DYNC1I1: variants seen among roughly 807,000 people sequenced by gnomAD.
DYNC1I1 encodes cytoplasmic dynein 1 intermediate chain 1.
In DYNC1I1, 43 loss-of-function variants were observed where a neutral mutation model predicts 86.6. The observed-to-expected ratio is 0.50, with a 90% CI of 0.39 to 0.64. DYNC1I1 has a LOEUF of 0.64. DYNC1I1 is among the 30% of genes least tolerant of loss of function. The pLI is 0.00. For synonymous variants in DYNC1I1, 262 were observed against 283.7 expected, an observed-to-expected ratio of 0.92 and a Z score of 0.77; for missense variants, 604 against 788.8, an observed-to-expected ratio of 0.77 and a Z score of 2.81.
Position 96,039,340 on chromosome 7 carries a change from C to T in DYNC1I1, c.1428C>T (p.His476=), listed in dbSNP as rs1788966769. 2 of 1,614,018 alleles carry T rather than the reference C, an allele frequency of 1.2e-6. No individual in the cohort carries two copies. Among genetic ancestry groups the T allele is most frequent in the South Asian group, 1.1e-5 (1 of 91,082 alleles). Residue 476 remains histidine, a synonymous_variant, in exon 14 of 17, where the codon CAC becomes CAT. Coordinates refer to ENST00000447467, the MANE Select transcript of DYNC1I1 (RefSeq NM_001135556.2). The part of the protein sequence containing the change: ...HQGPVTGINC[H]MAVGPIDFSH... Reference sequence around the variant, plus strand: ...GGCCAGTGACAGGAATTAACTGCCACATGGCAGTGGGCCCAATCGACTTTT... The same window carrying T: ...GGCCAGTGACAGGAATTAACTGCCATATGGCAGTGGGCCCAATCGACTTTT...
chr7:95,818,602 T>C (rs1795004085), intron 4 of DYNC1I1: 1 of 593,842 alleles, frequency 1.7e-6, no homozygotes. Flanking sequence ...TGCCTCTCCC[T>C]CCCAAAGTGC....
At chr7:96,110,222 T>TA (rs1791292585), downstream of DYNC1I1, 1 of 263,498 alleles carries the variant, frequency 3.8e-6, no homozygotes, top group African/African-American at 2.3e-5. Context: ...GGTGCCTACA[T>TA]ATTGAGGATT....
At chr7:96,081,582 A>T (rs1383732382) in intron 16 of DYNC1I1, among the ~76,000 whole-genome samples, 1 of 152,216 alleles carries the variant, frequency 6.6e-6, no homozygotes, top group Non-Finnish European at 1.5e-5. Context: ...GCATAATATG[A>T]ATCTAACATT....
chr7:95,847,322 T>C (rs1162561622), intron 5 of DYNC1I1, among the ~76,000 whole-genome samples: 2 of 152,168 alleles, frequency 1.3e-5, no homozygotes, highest in Non-Finnish European at 2.9e-5. Flanking sequence ...CACAGATCTT[T>C]TCTCTGGCTG....
intron 7 of DYNC1I1, among the ~76,000 whole-genome samples, chr7:95,982,182 A>G (rs1793475069): frequency 6.6e-6 from 1 of 152,306 alleles, no homozygotes; most frequent in Admixed American, 6.5e-5. Flanking sequence ...TATTTAATTA[A>G]GTTGAATATT....
rs371444230 is a variant in DYNC1I1 at position 95,934,254 on chromosome 7, T to C, written c.491-43258T>C. ...TTAATAGATGGTTACTGAGTACTTC[T>C]GGAGTTCCTCTAGGGTATACCGGTA... On this transcript the variant is annotated intron_variant, in intron 6 of 16. Coordinates refer to ENST00000447467, the MANE Select transcript of DYNC1I1 (RefSeq NM_001135556.2). 1.1e-4 allele frequency among the ~76,000 whole-genome samples: 16 copies of C among 152,258 alleles called. 2 individuals are homozygous for C. In the South Asian group the frequency reaches 3.3e-3, roughly 32 times the overall value.
chr7:95,806,760 T>C lies in DYNC1I1; in HGVS notation c.108+1923T>C, dbSNP rs1014622158. On this transcript the variant is annotated intron_variant, in intron 2 of 16. Transcript: ENST00000447467. Reference sequence around the variant, plus strand: ...ATCATCTGTAGTGTCTCTCCTGGCTTGAAATCTTTTCCCTTCACACCCATC... The same window carrying C: ...ATCATCTGTAGTGTCTCTCCTGGCTCGAAATCTTTTCCCTTCACACCCATC... 3.9e-5 allele frequency among the ~76,000 whole-genome samples: 6 copies of C among 152,278 alleles called. No individual in the cohort carries two copies. The East Asian group carries it at 1.2e-3, about 29-fold the overall frequency.
chr7:96,069,177 T>C (rs1349354700), intron 14 of DYNC1I1, among the ~76,000 whole-genome samples: 1 of 152,202 alleles, frequency 6.6e-6, no homozygotes, highest in Admixed American at 6.5e-5. Flanking sequence ...CGTAGATATA[T>C]AGAATGCTTC....
At chr7:95,894,738 G>T (rs34976358) in intron 6 of DYNC1I1, among the ~76,000 whole-genome samples, 1 of 152,058 alleles carries the variant, frequency 6.6e-6, no homozygotes, top group African/African-American at 2.4e-5. Flanking sequence ...TCTGTGCTTC[G>T]GGATTCAATG....
intron 16 of DYNC1I1, chr7:96,109,888 T>C (rs1212562087): frequency 2.0e-5 from 4 of 203,116 alleles, no homozygotes; most frequent in African/African-American, 9.5e-5. Flanking sequence ...TCTAAAAATA[T>C]GAATTAGGTC....
At chr7:95,938,719 T>C (rs931696400) in intron 6 of DYNC1I1, among the ~76,000 whole-genome samples, 2 of 152,174 alleles carry the variant, frequency 1.3e-5, no homozygotes, top group East Asian at 1.9e-4. Context: ...GAAAGCTTTT[T>C]GTAAATTATT....
intron 12 of DYNC1I1, 89 bp from the exon 13 acceptor site, chr7:96,035,530 A>G (rs1794907923): frequency 1.4e-6 from 2 of 1,474,754 alleles, no homozygotes; most frequent in Non-Finnish European, 1.8e-6. Flanking sequence ...AAAAGCAAAC[A>G]CATGATTTAG....
At chr7:95,947,373 C>T (rs1406251300) in intron 6 of DYNC1I1, among the ~76,000 whole-genome samples, 1 of 152,076 alleles carries the variant, frequency 6.6e-6, no homozygotes, top group Non-Finnish European at 1.5e-5. Context: ...AAGGTAATTA[C>T]CAGATTGTGT....
intron 5 of DYNC1I1, among the ~76,000 whole-genome samples, chr7:95,857,897 A>G (rs1789768221): frequency 6.6e-6 from 1 of 152,232 alleles, no homozygotes; most frequent in African/African-American, 2.4e-5. Flanking sequence ...CTAGCAGTAA[A>G]TTCAGCATCA....
chr7:95,790,608 A>G (rs1257220796), intron 1 of DYNC1I1, among the ~76,000 whole-genome samples: 1 of 152,220 alleles, frequency 6.6e-6, no homozygotes, highest in African/African-American at 2.4e-5. Context: ...TATATTCTTT[A>G]TCATCTGTTG....
intron 16 of DYNC1I1, among the ~76,000 whole-genome samples, chr7:96,106,205 C>T (rs1791211086): frequency 6.6e-6 from 1 of 152,000 alleles, no homozygotes. Flanking sequence ...ATTGATTTAA[C>T]ACTTTTTTCT....
chr7:95,987,839 A>G (rs1187416012), intron 9 of DYNC1I1, among the ~76,000 whole-genome samples: 1 of 152,182 alleles, frequency 6.6e-6, no homozygotes, highest in Non-Finnish European at 1.5e-5. Context: ...TTTACCTGTT[A>G]TATGATCTGT....
chr7:95,792,851 T>C (rs1368091812), intron 1 of DYNC1I1, among the ~76,000 whole-genome samples: 1 of 151,770 alleles, frequency 6.6e-6, no homozygotes, highest in Non-Finnish European at 1.5e-5. Flanking sequence ...TTAAACATGG[T>C]GAGAATAACA....
intron 4 of DYNC1I1, among the ~76,000 whole-genome samples, chr7:95,816,501 C>G (rs1794948819): frequency 1.3e-5 from 2 of 152,104 alleles, no homozygotes; most frequent in Admixed American, 1.3e-4. Context: ...ACAACTTATA[C>G]TTTTGGTTTT....
Sources: gnomAD v4.1 joint callset for allele counts (sites outside exome capture counted in the v4.1 genomes callset) on GRCh38, gnomAD v4.1.1 for gene constraint, MANE v1.5 for transcripts, NCBI Gene and HGNC (gene_info 2026-07-23, HGNC 2026-07-21) for gene names.